PHACTR2: variants seen among roughly 807,000 people sequenced by gnomAD.
The protein encoded by PHACTR2 is chromosome 6 open reading frame 56.
A neutral mutation model predicts 76.0 loss-of-function variants in PHACTR2; 30 were observed. The observed-to-expected ratio is 0.39, with a 90% CI of 0.30 to 0.54. PHACTR2 has a LOEUF of 0.54. PHACTR2 is among the 20% of genes least tolerant of loss of function. The pLI, the probability that PHACTR2 is intolerant of heterozygous loss-of-function variation, is 0.61. For missense variants in PHACTR2, 696 were observed against 781.1 expected (o/e 0.89, Z 1.30); for synonymous variants, 292 against 292.5 (o/e 1.00, Z 0.02).
chr6:143,702,772 A>AATTTTTT (rs1313487583), intron 1 of PHACTR2, among the ~76,000 whole-genome samples: 1 of 93,904 alleles, frequency 1.1e-5, no homozygotes, highest in Non-Finnish European at 2.2e-5. Flanking sequence ...TATATATACA[A>AATTTTTT]CTTTTTTTTT....
Position 143,663,105 on chromosome 6 carries a change from G to T in PHACTR2, c.14-48911G>T, listed in dbSNP as rs1562262775. Among the ~76,000 whole-genome samples, 1 of 152,000 alleles carries T rather than the reference G, an allele frequency of 6.6e-6. No individual in the cohort carries two copies. ...TTTGTACCACGTTTTCTCTAGCCAG[G>T]CCCCCACTAATGAGCACCTAGGTTG... is the stretch of plus-strand genomic sequence containing the variant. On this transcript the variant is annotated intron_variant, in intron 1 of 11. Coordinates refer to the PHACTR2 transcript ENST00000305766. The surrounding 1 kb of genome is among the most constrained non-coding windows in gnomAD (Gnocchi z 4.1).
At chr6:143,604,940 G>C (rs1756627099), upstream of PHACTR2, among the ~76,000 whole-genome samples, 1 of 150,808 alleles carries the variant, frequency 6.6e-6, no homozygotes, top group African/African-American at 2.4e-5. Context: ...CTTTTATAGG[G>C]AGCCAAGACA....
intron 1 of PHACTR2, among the ~76,000 whole-genome samples, chr6:143,569,562 A>C (rs1030129974): frequency 2.0e-5 from 3 of 152,104 alleles, no homozygotes; most frequent in African/African-American, 7.2e-5. Context: ...CATCCTGAAA[A>C]TTTTGATGTA....
chr6:143,577,477 G>C (rs946130034), intron 1 of PHACTR2, among the ~76,000 whole-genome samples: 3 of 152,116 alleles, frequency 2.0e-5, no homozygotes, highest in Non-Finnish European at 2.9e-5. Context: ...GTAAGATTTT[G>C]ACTTAGCAAA....
At chr6:143,813,934 A>T (rs1776241691) in intron 12 of PHACTR2, among the ~76,000 whole-genome samples, 1 of 152,232 alleles carries the variant, frequency 6.6e-6, no homozygotes, top group Non-Finnish European at 1.5e-5. Flanking sequence ...CGTAACTACT[A>T]AAACCTACTG....
At position 143,754,473 on chromosome 6, in the gene PHACTR2, C is replaced by T. The variant is rs958308945; in HGVS notation, c.454+561C>T. On this transcript the variant is annotated intron_variant, in intron 4 of 12. Transcript: ENST00000440869. The surrounding 1 kb of genome is among the most constrained non-coding windows in gnomAD (Gnocchi z 6.2). ...ACTGTGGTTGCTCTGCTGGCTGATT[C>T]CCACAGCCTCTGTGCAATTGGAAAC... 6.6e-6 allele frequency among the ~76,000 whole-genome samples: 1 copy of T among 152,220 alleles called. No individual in the cohort carries two copies. The highest frequency in any genetic ancestry group is 1.5e-5 in the Non-Finnish European group (1 of 68,030).
intron 6 of PHACTR2, among the ~76,000 whole-genome samples, chr6:143,769,928 T>A (rs1407620113): frequency 6.6e-6 from 1 of 152,170 alleles, no homozygotes; most frequent in Non-Finnish European, 1.5e-5. Flanking sequence ...GATTTCACAC[T>A]GTGGAAAACA....
At chr6:143,552,947 A>T (rs1025805973) in intron 1 of PHACTR2, among the ~76,000 whole-genome samples, 1 of 152,130 alleles carries the variant, frequency 6.6e-6, no homozygotes, top group Admixed American at 6.5e-5. Flanking sequence ...ACCAAAAAAC[A>T]CATTGAAGAA....
chr6:143,665,783 T>C (rs1332061872), intron 1 of PHACTR2, among the ~76,000 whole-genome samples: 2 of 152,228 alleles, frequency 1.3e-5, no homozygotes, highest in Non-Finnish European at 2.9e-5. Flanking sequence ...ACAGTGATTT[T>C]TAAAACAAAA....
intron 1 of PHACTR2, among the ~76,000 whole-genome samples, chr6:143,564,225 ATATATATATATG>A (rs1302089454): frequency 0.05 from 6,121 of 121,218 alleles, 433 homozygotes; most frequent in East Asian, 0.097. Context: ...ATATATATAT[ATATATATATATG>A]TATGCCACTG....
intron 11 of PHACTR2, among the ~76,000 whole-genome samples, chr6:143,802,835 G>A (rs751056927): frequency 2.6e-5 from 4 of 152,090 alleles, no homozygotes; most frequent in South Asian, 2.1e-4. Context: ...AGAGGAAGTA[G>A]CTCTTGTAAT....
rs374117661 is a variant in PHACTR2, at chr6:143,602,952, C to T, written c.217+65745C>T. Among the ~76,000 whole-genome samples, 2 of 152,130 alleles carry T rather than the reference C, an allele frequency of 1.3e-5. No homozygotes were observed. The highest frequency in any genetic ancestry group is 1.9e-4 in the East Asian group (1 of 5,152). Reference sequence around the variant, plus strand: ...CCGTGGTCAGGAGTTTGAGACCAGCCTGGCCAACATGGCAAAACCCCGTCT... The same window carrying T: ...CCGTGGTCAGGAGTTTGAGACCAGCTTGGCCAACATGGCAAAACCCCGTCT... On this transcript the variant is annotated intron_variant, in intron 1 of 11. Coordinates refer to the PHACTR2 transcript ENST00000367584. The surrounding 1 kb of genome is among the most constrained non-coding windows in gnomAD (Gnocchi z 6.1).
intron 1 of PHACTR2, among the ~76,000 whole-genome samples, chr6:143,538,188 C>G (rs1781136633): frequency 1.3e-5 from 2 of 152,214 alleles, no homozygotes; most frequent in Admixed American, 6.5e-5. Flanking sequence ...GCCCTGTGCC[C>G]CGTGCACCGG....
upstream of PHACTR2, among the ~76,000 whole-genome samples, chr6:143,677,321 T>G (rs1214125298): frequency 6.6e-6 from 1 of 152,176 alleles, no homozygotes. Flanking sequence ...AAGATTGAGA[T>G]TTAACAGGAT....
intron 1 of PHACTR2, among the ~76,000 whole-genome samples, chr6:143,638,168 CA>C (rs1331988276): frequency 6.6e-6 from 1 of 152,088 alleles, no homozygotes; most frequent in Non-Finnish European, 1.5e-5. Flanking sequence ...TTCCTTGTAG[CA>C]AATAGAGACT....
intron 1 of PHACTR2, among the ~76,000 whole-genome samples, chr6:143,600,955 C>G (rs536600659): frequency 1.6e-4 from 24 of 152,334 alleles, no homozygotes; most frequent in Middle Eastern, 6.8e-3. Flanking sequence ...GACACATGAA[C>G]ATGCTACAAT....
chr6:143,796,333 A>G (rs1030498145), intron 11 of PHACTR2, among the ~76,000 whole-genome samples: 2 of 152,206 alleles, frequency 1.3e-5, no homozygotes, highest in African/African-American at 4.8e-5. Context: ...CTGGCCCCAC[A>G]GCTCATGCTA....
At position 143,539,051 on chromosome 6, in the gene PHACTR2, C is replaced by T. The variant is rs1781147841; in HGVS notation, c.217+1844C>T. Among the ~76,000 whole-genome samples the T allele has an allele frequency of 6.6e-6, 1 of 152,102 alleles. No homozygotes were observed. The highest frequency in any genetic ancestry group is 1.5e-5 in the Non-Finnish European group (1 of 68,022). On this transcript the variant is annotated intron_variant, in intron 1 of 11. Coordinates refer to the PHACTR2 transcript ENST00000367584. This position sits in a 1 kb window ranked among gnomAD's most constrained non-coding sequence, Gnocchi z 4.3. Reference sequence around the variant, plus strand: ...AATTCACCTAGTTGGTGATTGTAGACAAAGTATAGCTTGCATCGCCATTTT... The same window carrying T: ...AATTCACCTAGTTGGTGATTGTAGATAAAGTATAGCTTGCATCGCCATTTT...
chr6:143,706,880 T>A (rs552365855), intron 1 of PHACTR2, among the ~76,000 whole-genome samples: 1 of 152,340 alleles, frequency 6.6e-6, no homozygotes, highest in South Asian at 2.1e-4. Context: ...GCTTATACCA[T>A]CAGTTCACCC....
Sources: allele counts gnomAD v4.1 joint callset (sites outside exome capture counted in the v4.1 genomes callset), GRCh38; gene constraint gnomAD v4.1.1; non-coding constraint Gnocchi (gnomAD v3.1); transcripts MANE v1.5; gene names NCBI Gene and HGNC (gene_info 2026-07-23, HGNC 2026-07-21).